The following DHX58 variants were observed in gnomAD, a reference collection of about 807,000 sequenced individuals.
DHX58 encodes DExH-box helicase 58, also known as ATP-dependent RNA helicase DHX58.
Under a neutral mutation model 65.0 loss-of-function variants are expected in DHX58, and 51 were observed. The ratio of observed to expected loss-of-function variants is 0.78; its 90% CI spans 0.63 to 0.99. The LOEUF is 0.99. Among genes scored for constraint, DHX58 ranks in the 50% least tolerant of loss-of-function variants. DHX58 has a pLI of 0.00. For synonymous variants in DHX58, 350 were observed against 365.0 expected (o/e 0.96, Z 0.47); for missense variants, 773 against 891.8 (o/e 0.87, Z 1.70).
At position 42,110,705 on chromosome 17, in the gene DHX58, C is replaced by T. The variant is rs2054135734; in HGVS notation, c.561+18G>A. The T allele has an allele frequency of 1.3e-6, 2 of 1,573,322 alleles. No homozygotes were observed. Among genetic ancestry groups the T allele is most frequent in the Non-Finnish European group, 1.7e-6 (2 of 1,160,090 alleles). ...CTGGTGGGTCTGGCAGTGGGAGGCC[C>T]ACAGGGGCCAGGCTGACCTGCAGGA... On this transcript the variant is annotated intron_variant, in intron 5 of 13. Transcript: ENST00000251642.
At chr17:42,103,396 C>A in intron 12 of DHX58, 1 of 597,232 alleles carries the variant, frequency 1.7e-6, no homozygotes, top group South Asian at 2.2e-5. Context: ...CAGATAGTGG[C>A]TGTGGGAACT....
intron 8 of DHX58, among the ~76,000 whole-genome samples, chr17:42,106,317 G>GGAGA (rs1568003612): frequency 7.0e-6 from 1 of 143,406 alleles, no homozygotes; most frequent in African/African-American, 2.7e-5. Context: ...AGGGAGGGAG[G>GGAGA]GAAAGAAAGA....
chr17:42,101,530 T>G lies in DHX58; in HGVS notation c.*231A>C. 2.2e-6 allele frequency: 1 copy of G among 456,490 alleles called. No individual in the cohort carries two copies. The highest frequency in any genetic ancestry group is 3.4e-5 in the East Asian group (1 of 29,000). The allele number at this position is 456,490 out of a possible 1,614,324, so 28.3% of individuals were successfully genotyped here. A position where few individuals can be genotyped will look rare whatever the true frequency, so the allele number is the denominator to read the frequency against. On this transcript the variant is annotated 3_prime_UTR_variant, in exon 14 of 14. Coordinates refer to ENST00000251642, the MANE Select transcript of DHX58 (RefSeq NM_024119.3). ...ATTCTTTTGCCTCAGTTTCCCTAAC[T>G]CCATCCAGTGCATATGAAAATGTCT... is the stretch of plus-strand genomic sequence containing the variant.
chr17:42,109,650 C>A (rs1398868984), intron 5 of DHX58, among the ~76,000 whole-genome samples: 1 of 152,100 alleles, frequency 6.6e-6, no homozygotes, highest in African/African-American at 2.4e-5. Context: ...AATCCCAGCA[C>A]TTTGGGAGGC....
intron 9 of DHX58, among the ~76,000 whole-genome samples, 189 bp downstream of exon 9, chr17:42,105,547 G>C (rs2074156): frequency 8.6e-5 from 13 of 151,802 alleles, no homozygotes; most frequent in Non-Finnish European, 1.8e-4. Context: ...ACTGGGAGAG[G>C]CTCCAGCACT....
chr17:42,107,985 C>T lies in DHX58; in HGVS notation c.802G>A (p.Ala268Thr). 1 of 1,614,184 alleles carries T rather than the reference C, an allele frequency of 6.2e-7. No individual in the cohort carries two copies. Among genetic ancestry groups the T allele is most frequent in the Non-Finnish European group, 8.5e-7 (1 of 1,180,026 alleles). Residue 268 changes from alanine to threonine, a missense_variant, in exon 7 of 14, where the codon GCT (alanine) becomes ACT (threonine). Physicochemically the swap from Ala to Thr is moderately conservative, Grantham distance 58. Transcript: ENST00000251642. Reference protein sequence around the residue: ...YEQQVVKLSEAAALAGLQEQR... With the variant: ...YEQQVVKLSETAALAGLQEQR... ...CCAGAAGGGCTGCCCCTCTCACCAG[C>T]CTCACTCAGCTTCACCACCTGCTGC...
chr17:42,105,709 G>A (rs782601874), intron 9 of DHX58, 27 bp downstream of exon 9: 35 of 1,528,694 alleles, frequency 2.3e-5, no homozygotes, highest in Middle Eastern at 2.3e-4. Context: ...CCCTCCCAGC[G>A]CCAGCATCTT....
At position 42,112,180 on chromosome 17, in the gene DHX58, T is replaced by A; in HGVS notation, c.-69A>T. 1 of 293,280 alleles carries A rather than the reference T, an allele frequency of 3.4e-6. No individual in the cohort carries two copies. The highest frequency in any genetic ancestry group is 6.3e-6 in the Non-Finnish European group (1 of 158,930). 18.2% of individuals were successfully genotyped at this position (293,280 alleles called of 1,614,324 possible). On this transcript the variant is annotated 5_prime_UTR_variant, in exon 2 of 14. Coordinates refer to ENST00000251642, the MANE Select transcript of DHX58 (RefSeq NM_024119.3). ...TCAGCCTGGTGCCACTCTGCTCAGC[T>A]CAGAGACCCAAGATGGAAACTGAAA...
intron 2 of DHX58, 36 bp downstream of exon 2, chr17:42,112,077 A>C: frequency 1.4e-6 from 1 of 698,512 alleles, no homozygotes; most frequent in Non-Finnish European, 2.3e-6. Context: ...GGAGTAACAC[A>C]GGCTACACCT....
Position 42,101,662 on chromosome 17 carries a change from G to C in DHX58, c.*99C>G. The C allele has an allele frequency of 6.8e-7, 1 of 1,477,160 alleles. No homozygotes were observed. The highest frequency in any genetic ancestry group is 9.2e-7 in the Non-Finnish European group (1 of 1,091,454). The allele number at this position is 1,477,160 out of a possible 1,614,324, so 91.5% of individuals were successfully genotyped here. A position where few individuals can be genotyped will look rare whatever the true frequency, so the allele number is the denominator to read the frequency against. ...GGACTCCTGTGTGGCTGGTGGGCCT[G>C]ATGCCCACAGCTGATGATTCAGGAA... On this transcript the variant is annotated 3_prime_UTR_variant, in exon 14 of 14. Transcript: ENST00000251642.
Position 42,111,456 on chromosome 17 carries a change from C to T in DHX58, c.210G>A (p.Met70Ile), listed in dbSNP as rs370935609. 1.1e-5 allele frequency: 18 copies of T among 1,614,064 alleles called. No individual in the cohort carries two copies. The highest frequency in any genetic ancestry group is 4.0e-5 in the African/African-American group (3 of 74,942). Residue 70 changes from methionine to isoleucine, a missense_variant, in exon 4 of 14, where the codon ATG (methionine) becomes ATA (isoleucine). Physicochemically the swap from Met to Ile is conservative, Grantham distance 10. Transcript: ENST00000251642. Reference protein sequence around the residue: ...VTQHGEEFRRMLDGRWTVTTL... With the variant: ...VTQHGEEFRRILDGRWTVTTL... ...TTGTCACGGTCCAGCGTCCATCCAG[C>T]ATGCGCCTGAACTCTTCACCATGCT...
chr17:42,101,593 C>A lies in DHX58; in HGVS notation c.*168G>T. 1 of 812,340 alleles carries A rather than the reference C, an allele frequency of 1.2e-6. No individual in the cohort carries two copies. Among genetic ancestry groups the A allele is most frequent in the Non-Finnish European group, 1.9e-6 (1 of 518,514 alleles). 50.3% of individuals were successfully genotyped at this position (812,340 alleles called of 1,614,324 possible). On this transcript the variant is annotated 3_prime_UTR_variant, in exon 14 of 14. Transcript: ENST00000251642. Reference sequence around the variant, plus strand: ...GGTAGGTCTGGACTAAGCTCTGGCCCTCCGGTTGTTTTCCCATTGCGGGAG... The same window carrying A: ...GGTAGGTCTGGACTAAGCTCTGGCCATCCGGTTGTTTTCCCATTGCGGGAG...
chr17:42,105,591 C>A (rs2054044109), intron 9 of DHX58, 145 bp downstream of exon 9: 2 of 1,455,172 alleles, frequency 1.4e-6, no homozygotes, highest in Admixed American at 4.9e-5. Flanking sequence ...TCCCCTAGCT[C>A]CTTGCCCCTC....
Position 42,102,274 on chromosome 17 carries a change from T to C in DHX58, c.1793A>G (p.Asn598Ser). 2.5e-6 allele frequency: 4 copies of C among 1,614,174 alleles called. No homozygotes were observed. The highest frequency in any genetic ancestry group is 3.4e-6 in the Non-Finnish European group (4 of 1,180,006). Residue 598 changes from asparagine to serine, a missense_variant, in exon 13 of 14, where the codon AAC becomes AGC. Transcript: ENST00000251642. Reference protein sequence around the residue: ...YNVSRDPVVINKVFKDWKPGG... With the variant: ...YNVSRDPVVISKVFKDWKPGG... ...AGGCTTCCAGTCCTTGAAGACTTTG[T>C]TGATGACCACAGGATCCCTGGAGAC...
chr17:42,107,625 G>C lies in DHX58; in HGVS notation c.976C>G (p.Arg326Gly). Residue 326 changes from arginine (R) to glycine (G), a missense_variant, in exon 8 of 14, where the codon CGG becomes GGG. Physicochemically the swap from Arg to Gly is moderately radical, Grantham distance 125. Coordinates refer to ENST00000251642, the MANE Select transcript of DHX58 (RefSeq NM_024119.3). ...TKTQILCAER[R>G]LLALFDDRKN... ...TCACCATCGAACAGGGCCAGCAGCC[G>C]GCGCTCGGCACACAGGATCTGGGTT... The C allele has an allele frequency of 4.3e-6, 6 of 1,382,774 alleles. No individual in the cohort carries two copies. The highest frequency in any genetic ancestry group is 4.8e-6 in the Non-Finnish European group (5 of 1,033,320). 85.7% of individuals were successfully genotyped at this position (1,382,774 alleles called of 1,614,324 possible). A position where few individuals can be genotyped will look rare whatever the true frequency, so the allele number is the denominator to read the frequency against.
Position 42,101,943 on chromosome 17 carries a change from A to G in DHX58, c.1855T>C (p.Trp619Arg), listed in dbSNP as rs1555661637. ...VISCRNCGEV[W>R]GLQMIYKSVK... is the part of the protein sequence containing the mutation. The stretch of plus-strand genomic sequence containing the variant: ...GACTTGTAGATCATCTGCAGACCCC[A>G]GACCTGGAGGTGAGACAGAGAGGGT... The change falls in exon 14 of 14, where the codon TGG (tryptophan) becomes CGG (arginine). Residue 619 changes from tryptophan (W) to arginine (R), a missense_variant. Trp to Arg is a moderately radical substitution (Grantham distance 101). Coordinates refer to ENST00000251642, the MANE Select transcript of DHX58 (RefSeq NM_024119.3). 6.2e-7 allele frequency: 1 copy of G among 1,609,714 alleles called. No homozygotes were observed. The highest frequency in any genetic ancestry group is 1.7e-5 in the Admixed American group (1 of 59,074).
At chr17:42,112,088 GC>G (rs1421198211) in intron 2 of DHX58, 24 bp downstream of exon 2, 7 of 640,272 alleles carry the variant, frequency 1.1e-5, no homozygotes, top group African/African-American at 1.8e-5. Flanking sequence ...GGCTACACCT[GC>G]CCCCTGCCCA....
Position 42,109,429 on chromosome 17 carries a change from G to C in DHX58, c.562-43C>G, listed in dbSNP as rs2054114922. On this transcript the variant is annotated intron_variant, in intron 5 of 13. Coordinates refer to ENST00000251642, the MANE Select transcript of DHX58 (RefSeq NM_024119.3). ...CTTTACTGGAAAGGGAGGGTCTGTG[G>C]GGACAATGGTCAAAGATTTGGGGCA... 10 of 1,546,244 alleles carry C rather than the reference G, an allele frequency of 6.5e-6. No homozygotes were observed. The East Asian group carries it at 2.0e-4, about 31-fold the overall frequency.
Position 42,105,793 on chromosome 17 carries a change from G to T in DHX58, c.1194C>A (p.Ile398=), listed in dbSNP as rs782532530. The part of the protein sequence containing the change: ...QQQQGLQTVD[I]RAQLLIGAGN... ...CAGCCCCAATCAGTAGCTGGGCCCGGATGTCCACAGTCTGCAGGCCCTGCT... is the reference window on the plus strand; with the variant it reads ...CAGCCCCAATCAGTAGCTGGGCCCGTATGTCCACAGTCTGCAGGCCCTGCT... Residue 398 remains isoleucine (I), a synonymous_variant, in exon 9 of 14, where the codon ATC becomes ATA. Coordinates refer to ENST00000251642, the MANE Select transcript of DHX58 (RefSeq NM_024119.3). The T allele has an allele frequency of 6.2e-7, 1 of 1,612,614 alleles. No homozygotes were observed. The highest frequency in any genetic ancestry group is 8.5e-7 in the Non-Finnish European group (1 of 1,179,288).
Sources: allele counts gnomAD v4.1 joint callset (sites outside exome capture counted in the v4.1 genomes callset), GRCh38; gene constraint gnomAD v4.1.1; transcripts MANE v1.5; gene names NCBI Gene and HGNC (gene_info 2026-07-23, HGNC 2026-07-21).